The following ITGBL1 variants were observed in gnomAD, a reference collection of about 807,000 sequenced individuals.
The protein encoded by ITGBL1 is integrin beta-like protein 1.
In ITGBL1, 51 loss-of-function variants were observed where a neutral mutation model predicts 68.5. That is an observed-to-expected ratio of 0.74 (90% CI 0.59 to 0.94). The LOEUF (loss-of-function observed/expected upper bound fraction) is 0.94. ITGBL1 is among the 40% of genes least tolerant of loss of function. ITGBL1 has a pLI of 0.00. For synonymous variants in ITGBL1, 209 were observed against 227.3 expected, an observed-to-expected ratio of 0.92 and a Z score of 0.72; for missense variants, 649 against 647.4, an observed-to-expected ratio of 1.00 and a Z score of -0.03.
chr13:101,538,263 A>T (rs1368102286), intron 2 of ITGBL1, among the ~76,000 whole-genome samples: 1 of 152,060 alleles, frequency 6.6e-6, no homozygotes, highest in Non-Finnish European at 1.5e-5. Context: ...GTTCTAAAGA[A>T]GATGAATTCT....
chr13:101,671,192 G>A (rs2033348795), intron 7 of ITGBL1, among the ~76,000 whole-genome samples: 1 of 151,984 alleles, frequency 6.6e-6, no homozygotes, highest in East Asian at 1.9e-4. Context: ...TAGGCCAAGC[G>A]AAAATTTCCA....
chr13:101,714,682 G>A (rs928913647), intron 10 of ITGBL1, 131 bp downstream of exon 10: 18 of 639,780 alleles, frequency 2.8e-5, no homozygotes, highest in Admixed American at 1.8e-4. Flanking sequence ...TACCAAAGGC[G>A]AAGTGGGCAT....
intron 7 of ITGBL1, among the ~76,000 whole-genome samples, chr13:101,619,372 G>A (rs529826949): frequency 6.6e-6 from 1 of 151,900 alleles, no homozygotes; most frequent in Non-Finnish European, 1.5e-5. Flanking sequence ...ACATGGGAAA[G>A]AAAGAGTCAG....
intron 7 of ITGBL1, among the ~76,000 whole-genome samples, chr13:101,688,523 C>G (rs2033808325): frequency 1.3e-5 from 2 of 152,116 alleles, no homozygotes; most frequent in Non-Finnish European, 2.9e-5. Context: ...TAAGTTGGAC[C>G]ATGTGTGGAA....
intron 2 of ITGBL1, among the ~76,000 whole-genome samples, chr13:101,537,756 C>T (rs1046441633): frequency 3.3e-5 from 5 of 151,928 alleles, no homozygotes; most frequent in African/African-American, 1.2e-4. Context: ...GTCATTTTTA[C>T]CTTAGAATGA....
downstream of ITGBL1, chr13:101,720,731 A>C (rs2034919638): frequency 6.7e-6 from 1 of 149,800 alleles, no homozygotes; most frequent in African/African-American, 2.6e-5. Flanking sequence ...AATATATTTT[A>C]ACTGTTCCTG....
chr13:101,637,021 C>G (rs1427989986), intron 7 of ITGBL1, among the ~76,000 whole-genome samples: 1 of 152,066 alleles, frequency 6.6e-6, no homozygotes, highest in East Asian at 1.9e-4. Flanking sequence ...TTGACTACAT[C>G]TAGAAAATTC....
At chr13:101,637,509 G>A (rs1348547757) in intron 7 of ITGBL1, among the ~76,000 whole-genome samples, 3 of 151,758 alleles carry the variant, frequency 2.0e-5, no homozygotes, top group Non-Finnish European at 2.9e-5. Flanking sequence ...ACACCTGGCT[G>A]AATTTTTGTA....
At chr13:101,559,224 C>A (rs2050061246) in intron 2 of ITGBL1, among the ~76,000 whole-genome samples, 1 of 152,110 alleles carries the variant, frequency 6.6e-6, no homozygotes, top group African/African-American at 2.4e-5. Context: ...TGATGTCTGT[C>A]ACCCCCTTGT....
intron 1 of ITGBL1, among the ~76,000 whole-genome samples, chr13:101,453,383 G>A (rs545256160): frequency 6.6e-6 from 1 of 152,262 alleles, no homozygotes; most frequent in African/African-American, 2.4e-5. Context: ...ACTGCTTAAT[G>A]CAAATTATGC....
At chr13:101,680,774 A>G (rs961833798) in intron 7 of ITGBL1, among the ~76,000 whole-genome samples, 2 of 152,206 alleles carry the variant, frequency 1.3e-5, no homozygotes, top group African/African-American at 2.4e-5. Context: ...TTATGCAGCC[A>G]CAATAAATGA....
chr13:101,582,629 T>C (rs560429824), intron 5 of ITGBL1, among the ~76,000 whole-genome samples: 10 of 152,284 alleles, frequency 6.6e-5, no homozygotes, highest in Non-Finnish European at 1.5e-5. Flanking sequence ...TTTTTATTTT[T>C]TAACATGCAC....
intron 7 of ITGBL1, among the ~76,000 whole-genome samples, chr13:101,646,256 A>G (rs2032555441): frequency 6.6e-6 from 1 of 152,142 alleles, no homozygotes; most frequent in Non-Finnish European, 1.5e-5. Context: ...CTTTTACAGT[A>G]ATGGGTGTTT....
At chr13:101,663,010 A>G (rs1397579542) in intron 7 of ITGBL1, among the ~76,000 whole-genome samples, 1 of 152,088 alleles carries the variant, frequency 6.6e-6, no homozygotes, top group Admixed American at 6.6e-5. Flanking sequence ...ATACTTAACT[A>G]CTAGTGAATG....
At chr13:101,478,678 C>G (rs990136923) in intron 2 of ITGBL1, among the ~76,000 whole-genome samples, 6 of 151,948 alleles carry the variant, frequency 3.9e-5, no homozygotes, top group Non-Finnish European at 5.9e-5. Flanking sequence ...CTTCTAAATG[C>G]CAACAGCAAA....
intron 2 of ITGBL1, among the ~76,000 whole-genome samples, chr13:101,516,754 AG>A (rs908306614): frequency 6.6e-6 from 1 of 152,184 alleles, no homozygotes; most frequent in African/African-American, 2.4e-5. Context: ...TATACTGTCT[AG>A]GAATAAAAAA....
intron 7 of ITGBL1, among the ~76,000 whole-genome samples, chr13:101,631,444 TGAG>T (rs1392702823): frequency 1.3e-5 from 2 of 152,074 alleles, no homozygotes. Context: ...GTTCTTTAAA[TGAG>T]GAGGAAAGGC....
At chr13:101,595,321 C>A (rs1169634709) in intron 6 of ITGBL1, among the ~76,000 whole-genome samples, 1 of 152,064 alleles carries the variant, frequency 6.6e-6, no homozygotes, top group Non-Finnish European at 1.5e-5. Context: ...CTTACGTGAA[C>A]TACCAGAGCA....
At position 101,692,595 on chromosome 13, in the gene ITGBL1, A is replaced by G; in HGVS notation, c.1026A>G (p.Glu342=). The G allele has an allele frequency of 6.2e-7, 1 of 1,611,716 alleles. No individual in the cohort carries two copies. The highest frequency in any genetic ancestry group is 8.5e-7 in the Non-Finnish European group (1 of 1,177,864). The change falls in exon 8 of 11, where the codon GAA becomes GAG. Residue 342 remains glutamate, a synonymous_variant. Coordinates refer to ENST00000376180, the MANE Select transcript of ITGBL1 (RefSeq NM_004791.3). ...CTTTATACTTTCCAGGTAAATGTGA[A>G]TGTGGCAAATGCACCTGCTATCCTC... ...DLPCSGRGKC[E]CGKCTCYPPG...
Sources: gnomAD v4.1 joint callset for allele counts (sites outside exome capture counted in the v4.1 genomes callset) on GRCh38, gnomAD v4.1.1 for gene constraint, MANE v1.5 for transcripts, NCBI Gene and HGNC (gene_info 2026-07-23, HGNC 2026-07-21) for gene names.